TEX9: variants seen among roughly 807,000 people sequenced by gnomAD.
The protein encoded by TEX9 is testis expressed 9.
In TEX9, 74 loss-of-function variants were observed where a neutral mutation model predicts 59.6. The observed-to-expected ratio is 1.24, with a 90% CI of 1.03 to 1.51. The LOEUF is 1.51. Ranked by LOEUF, TEX9 falls within the 40% of genes most tolerant of loss-of-function variation. TEX9 has a pLI of 0.00. For missense variants in TEX9, 522 were observed against 447.8 expected (o/e 1.17, Z -1.49); for synonymous variants, 186 against 152.2 (o/e 1.22, Z -1.64).
chr15:56,363,839 TTATC>T (rs2046839006), upstream of TEX9, among the ~76,000 whole-genome samples: 1 of 148,174 alleles, frequency 6.7e-6, no homozygotes, highest in African/African-American at 2.5e-5. Context: ...TAATTTTTAT[TTATC>T]TATTTCCTTT....
At chr15:56,290,564 A>C (rs1246248725) in intron 1 of TEX9, among the ~76,000 whole-genome samples, 1 of 151,576 alleles carries the variant, frequency 6.6e-6, no homozygotes, top group East Asian at 1.9e-4. Context: ...CAGTCCTCCC[A>C]CCTCAGCCTC....
intron 1 of TEX9, among the ~76,000 whole-genome samples, chr15:56,295,627 A>G (rs1441820027): frequency 1.3e-5 from 2 of 152,170 alleles, no homozygotes; most frequent in African/African-American, 4.8e-5. Flanking sequence ...CTTTGTACCT[A>G]AAGGAGGCGA....
chr15:56,444,181 A>G (rs2050867941), intron 12 of TEX9, among the ~76,000 whole-genome samples: 1 of 152,134 alleles, frequency 6.6e-6, no homozygotes, highest in African/African-American at 2.4e-5. Context: ...GTCCTCTGAC[A>G]TATGATATGG....
chr15:56,332,478 G>T (rs1193019679), intron 1 of TEX9, among the ~76,000 whole-genome samples: 14 of 137,964 alleles, frequency 1.0e-4, no homozygotes, highest in African/African-American at 3.1e-4. Flanking sequence ...GTGGGGTGGG[G>T]GGAGGGGGGA....
exon 9 of TEX9, chr15:56,394,801 T>C (rs148168860): frequency 1.4e-5 from 22 of 1,612,918 alleles, no homozygotes; most frequent in East Asian, 8.9e-5. Flanking sequence ...AAAAGTATGA[T>C]GGATTACAGC....
intron 12 of TEX9, chr15:56,443,545 A>G (rs369206866): frequency 9.5e-6 from 15 of 1,577,774 alleles, no homozygotes; most frequent in Non-Finnish European, 1.1e-5. Context: ...CAACTATTAA[A>G]TTTTTTAAAA....
chr15:56,431,349 C>G (rs778600366), intron 12 of TEX9: 1 of 1,606,758 alleles, frequency 6.2e-7, no homozygotes, highest in Admixed American at 1.7e-5. Flanking sequence ...ATGAAGATTA[C>G]AACTTGAGAT....
At chr15:56,393,439 C>A (rs2048310345) in intron 7 of TEX9, among the ~76,000 whole-genome samples, 1 of 152,202 alleles carries the variant, frequency 6.6e-6, no homozygotes, top group African/African-American at 2.4e-5. Context: ...GTCCTAATGA[C>A]TTCTCAGAGC....
At chr15:56,247,038 C>T (rs1385553329) in intron 1 of TEX9, among the ~76,000 whole-genome samples, 1 of 152,178 alleles carries the variant, frequency 6.6e-6, no homozygotes, top group Admixed American at 6.5e-5. Context: ...AGTCCCAGGA[C>T]ATAATTCCTG....
chr15:56,431,366 CACTT>C, intron 12 of TEX9: 1 of 1,608,960 alleles, frequency 6.2e-7, no homozygotes, highest in Non-Finnish European at 8.5e-7. Flanking sequence ...AGATAAATCT[CACTT>C]ACTTTAGGGA....
intron 1 of TEX9, among the ~76,000 whole-genome samples, chr15:56,306,593 T>C (rs1416818368): frequency 5.9e-5 from 9 of 152,132 alleles, no homozygotes; most frequent in African/African-American, 1.9e-4. Flanking sequence ...AGAATAATGG[T>C]TACCAGAGGC....
chr15:56,457,816 A>G, the TEX9 span, among the ~76,000 whole-genome samples: 2 of 143,142 alleles, frequency 1.4e-5, no homozygotes, highest in Non-Finnish European at 3.1e-5. Flanking sequence ...CCTGTCTCTT[A>G]AAAAAAAAAA....
intron 1 of TEX9, among the ~76,000 whole-genome samples, chr15:56,353,515 A>G (rs1157971917): frequency 4.6e-5 from 7 of 152,238 alleles, no homozygotes; most frequent in Admixed American, 4.6e-4. Flanking sequence ...GTTGTGAATA[A>G]TAGCTTCTTT....
chr15:56,426,626 T>TATATATATATACATACACAC (rs1214988827), intron 10 of TEX9, among the ~76,000 whole-genome samples: 1 of 47,178 alleles, frequency 2.1e-5, no homozygotes, highest in Non-Finnish European at 5.0e-5. Context: ...TATATATATA[T>TATATATATATACATACACAC]ACACACACAC....
At chr15:56,440,198 A>C (rs2140348087) in intron 12 of TEX9, among the ~76,000 whole-genome samples, 1 of 152,306 alleles carries the variant, frequency 6.6e-6, no homozygotes, top group East Asian at 1.9e-4. Context: ...CATCAGGAAA[A>C]TGCAAAATAA....
At chr15:56,440,267 C>T (rs77672459) in intron 12 of TEX9, among the ~76,000 whole-genome samples, 1 of 152,034 alleles carries the variant, frequency 6.6e-6, no homozygotes, top group African/African-American at 2.4e-5. Context: ...AATTGTTGAG[C>T]TTCTGAGGAC....
intron 12 of TEX9, chr15:56,434,428 C>A: frequency 6.3e-7 from 1 of 1,576,440 alleles, no homozygotes; most frequent in South Asian, 1.2e-5. Context: ...AATTTAGTAA[C>A]TATTTCCTTA....
chr15:56,348,629 A>T (rs1209309541), intron 1 of TEX9, among the ~76,000 whole-genome samples: 1 of 152,118 alleles, frequency 6.6e-6, no homozygotes, highest in Non-Finnish European at 1.5e-5. Flanking sequence ...GTTGCCATGT[A>T]TAAATTATGT....
At chr15:56,433,255 C>A (rs1331122390) in intron 12 of TEX9, among the ~76,000 whole-genome samples, 17 of 14,012 alleles carry the variant, frequency 1.2e-3, no homozygotes, top group African/African-American at 3.5e-3. Flanking sequence ...CAGGGCCTGT[C>A]GGGGGGTGGG....
Sources: gnomAD v4.1 joint callset for allele counts (sites outside exome capture counted in the v4.1 genomes callset) on GRCh38, gnomAD v4.1.1 for gene constraint, MANE v1.5 for transcripts, NCBI Gene and HGNC (gene_info 2026-07-23, HGNC 2026-07-21) for gene names.